TSC22D1: variants seen among roughly 807,000 people sequenced by gnomAD.
TSC22D1 encodes the protein TSC22 domain family protein 1.
A neutral mutation model predicts 74.2 loss-of-function variants in TSC22D1; 9 were observed. The ratio of observed to expected loss-of-function variants is 0.12; its 90% CI spans 0.07 to 0.21. The LOEUF is 0.21. Ranked by LOEUF, TSC22D1 falls within the 10% of genes least tolerant of loss-of-function variation. TSC22D1 has a pLI of 1.00. For synonymous variants in TSC22D1, 586 were observed against 492.5 expected (o/e 1.19, Z -2.51); for missense variants, 1,427 against 1,304.7 (o/e 1.09, Z -1.44).
At chr13:44,508,672 A>G (rs1417907738) in intron 1 of TSC22D1, among the ~76,000 whole-genome samples, 1 of 152,082 alleles carries the variant, frequency 6.6e-6, no homozygotes, top group African/African-American at 2.4e-5. Context: ...TTCACAGTAT[A>G]ATAGGAACCT....
At chr13:44,509,950 C>CAAAAAAAAAAAAAAAAAAAAAACAAA in intron 1 of TSC22D1, among the ~76,000 whole-genome samples, 4 of 51,428 alleles carry the variant, frequency 7.8e-5, no homozygotes, top group Admixed American at 2.7e-4. Flanking sequence ...AGAAAATAAG[C>CAAAAAAAAAAAAAAAAAAAAAACAAA]AAAAAAAAAA....
chr13:44,551,424 G>GTGTC (rs1555272512), intron 1 of TSC22D1, among the ~76,000 whole-genome samples: 2 of 151,458 alleles, frequency 1.3e-5, no homozygotes, highest in Non-Finnish European at 1.5e-5. Context: ...GTGTGTGTGT[G>GTGTC]TGTGTGTGTC....
rs1442259999 is a variant in TSC22D1 at position 44,539,238 on chromosome 13, C to T, written c.2912+33925G>A. The T allele has an allele frequency of 3.0e-6, 3 of 984,914 alleles. No individual in the cohort carries two copies. In the African/African-American group the frequency reaches 5.3e-5, roughly 17 times the overall value. 61.0% of individuals were successfully genotyped at this position (984,914 alleles called of 1,614,324 possible). ...CTTATGTTTTATTAAAGAATGGAGC[C>T]TAGAATTGACAGTAAAACCATAATA... On this transcript the variant is annotated intron_variant, in intron 1 of 2. Coordinates refer to ENST00000458659, the MANE Select transcript of TSC22D1 (RefSeq NM_183422.4).
At chr13:44,526,546 T>C (rs1238278517) in intron 1 of TSC22D1, among the ~76,000 whole-genome samples, 1 of 151,440 alleles carries the variant, frequency 6.6e-6, no homozygotes, top group Non-Finnish European at 1.5e-5. Context: ...GTATGCATAA[T>C]AGGAATCCAA....
rs1884234092 is a variant in TSC22D1 at position 44,576,199 on chromosome 13, C to T, written c.-125G>A. 7.5e-7 allele frequency: 1 copy of T among 1,324,836 alleles called. No individual in the cohort carries two copies. Among genetic ancestry groups the T allele is most frequent in the Non-Finnish European group, 1.0e-6 (1 of 1,003,870 alleles). 82.1% of individuals were successfully genotyped at this position (1,324,836 alleles called of 1,614,324 possible). A position where few individuals can be genotyped will look rare whatever the true frequency, so the allele number is the denominator to read the frequency against. ...TCCGCCTGGCGCGATTCCTCCTTCT[C>T]CTCCTCCTCAGCCAAAGGCGCCGGT... On this transcript the variant is annotated 5_prime_UTR_variant, in exon 1 of 3. Coordinates refer to ENST00000458659, the MANE Select transcript of TSC22D1 (RefSeq NM_183422.4).
intron 1 of TSC22D1, chr13:44,537,639 T>C: frequency 2.0e-6 from 2 of 984,678 alleles, no homozygotes; most frequent in Non-Finnish European, 2.4e-6. Context: ...AATTGTCTTA[T>C]TAACATTTAC....
Position 44,475,465 on chromosome 13 carries a change from CAAAA to C in TSC22D1, c.2913-39374_2913-39371del, listed in dbSNP as rs11359696. 2.3e-5 allele frequency among the ~76,000 whole-genome samples: 3 copies of C among 132,166 alleles called. No homozygotes were observed. The South Asian group carries it at 7.1e-4, about 31-fold the overall frequency. The allele number at this position is 132,166 out of a possible 152,430, so 86.7% of individuals were successfully genotyped here. On this transcript the variant is annotated intron_variant, in intron 1 of 2. Coordinates refer to ENST00000458659, the MANE Select transcript of TSC22D1 (RefSeq NM_183422.4). Reference sequence around the variant, plus strand: ...GAGAGGGAGGTAAAACAAACAAAAGCAAAAAAAAAAAAAAATTCAAGAAAGGAGA... The same window carrying C: ...GAGAGGGAGGTAAAACAAACAAAAGCAAAAAAAAAAATTCAAGAAAGGAGA...
At position 44,518,282 on chromosome 13, in the gene TSC22D1, A is replaced by G. The variant is rs142403068; in HGVS notation, c.2912+54881T>C. On this transcript the variant is annotated intron_variant, in intron 1 of 2. Coordinates refer to ENST00000458659, the MANE Select transcript of TSC22D1 (RefSeq NM_183422.4). ...GCTGCAAAATAGAGGTAAACAAACG[A>G]CAGTCACAAAAGGTATTTCTAATTA... Among the ~76,000 whole-genome samples, 231 of 152,292 alleles carry G rather than the reference A, an allele frequency of 1.5e-3. 1 individual carries two copies. The highest frequency in any genetic ancestry group is 0.011 in the Admixed American group (161 of 15,292).
chr13:44,437,158 G>A (rs755161770), intron 1 of TSC22D1: 3 of 985,436 alleles, frequency 3.0e-6, no homozygotes, highest in Non-Finnish European at 3.6e-6. Context: ...TACTATGGGG[G>A]CCCCCACACG....
At chr13:44,547,948 T>C (rs1018469615) in intron 1 of TSC22D1, among the ~76,000 whole-genome samples, 1 of 152,166 alleles carries the variant, frequency 6.6e-6, no homozygotes, top group Non-Finnish European at 1.5e-5. Flanking sequence ...TGCCACTGTG[T>C]GCATTATTAT....
intron 1 of TSC22D1, among the ~76,000 whole-genome samples, chr13:44,551,306 T>TGG (rs542579295): frequency 0.03 from 3,374 of 112,606 alleles, 107 homozygotes; most frequent in Admixed American, 0.11. Context: ...CCCAATCAGC[T>TGG]GGGGGTGTGT....
chr13:44,533,442 AG>A lies in TSC22D1; in HGVS notation c.2912+39720del, dbSNP rs376161244. On this transcript the variant is annotated intron_variant, in intron 1 of 2. Transcript: ENST00000458659. ...GCCACTGCACTCCAGCTTAGGTAAG[AG>A]TAAGACTCTGTATCAAATAAAATTA... Among the ~76,000 whole-genome samples the A allele has an allele frequency of 9.9e-4, 150 of 150,866 alleles. 2 individuals are homozygous for A. In the South Asian group the frequency reaches 0.015, roughly 15 times the overall value.
At chr13:44,509,476 T>C (rs1022082452) in intron 1 of TSC22D1, among the ~76,000 whole-genome samples, 1 of 152,114 alleles carries the variant, frequency 6.6e-6, no homozygotes, top group Non-Finnish European at 1.5e-5. Flanking sequence ...CCGTCTCTAT[T>C]AAAAATACAA....
intron 1 of TSC22D1, among the ~76,000 whole-genome samples, chr13:44,445,513 A>C (rs958831100): frequency 5.9e-5 from 9 of 152,174 alleles, no homozygotes; most frequent in Non-Finnish European, 1.2e-4. Flanking sequence ...TGGAAGAAAA[A>C]AAATTGATAA....
intron 1 of TSC22D1, among the ~76,000 whole-genome samples, chr13:44,524,474 A>C (rs1880457729): frequency 6.6e-6 from 1 of 152,204 alleles, no homozygotes; most frequent in South Asian, 2.1e-4. Flanking sequence ...AGACAGTCTA[A>C]ATATGGACTA....
At chr13:44,566,305 G>C (rs1187169970) in intron 1 of TSC22D1, among the ~76,000 whole-genome samples, 1 of 151,900 alleles carries the variant, frequency 6.6e-6, no homozygotes, top group Non-Finnish European at 1.5e-5. Flanking sequence ...TGTAACCTTA[G>C]ACAACTTGCC....
At chr13:44,509,246 T>C (rs1879575258) in intron 1 of TSC22D1, among the ~76,000 whole-genome samples, 1 of 152,184 alleles carries the variant, frequency 6.6e-6, no homozygotes, top group African/African-American at 2.4e-5. Context: ...GCCAAGATTA[T>C]TACGCTGGAG....
intron 1 of TSC22D1, among the ~76,000 whole-genome samples, chr13:44,521,324 G>A (rs964646237): frequency 6.6e-6 from 1 of 152,014 alleles, no homozygotes; most frequent in African/African-American, 2.4e-5. Flanking sequence ...TCATGCTATG[G>A]GATTTAATTG....
At chr13:44,544,608 AT>A (rs1881701328) in intron 1 of TSC22D1, among the ~76,000 whole-genome samples, 1 of 151,886 alleles carries the variant, frequency 6.6e-6, no homozygotes, top group Non-Finnish European at 1.5e-5. Flanking sequence ...TCAAGAGGAT[AT>A]GTGCTTAATC....
Sources: allele counts gnomAD v4.1 joint callset (sites outside exome capture counted in the v4.1 genomes callset), GRCh38; gene constraint gnomAD v4.1.1; transcripts MANE v1.5; gene names NCBI Gene and HGNC (gene_info 2026-07-23, HGNC 2026-07-21).